SLC13A3: variants seen among roughly 807,000 people sequenced by gnomAD.
SLC13A3 encodes solute carrier family 13 member 3.
A neutral mutation model predicts 59.0 loss-of-function variants in SLC13A3; 40 were observed. That is an observed-to-expected ratio of 0.68 (90% CI 0.53 to 0.88). The LOEUF is 0.88. Among genes scored for constraint, SLC13A3 ranks in the 40% least tolerant of loss-of-function variants. SLC13A3 has a pLI of 0.00. For missense variants in SLC13A3, 699 were observed against 783.2 expected (o/e 0.89, Z 1.28); for synonymous variants, 317 against 330.3 (o/e 0.96, Z 0.44).
intron 1 of SLC13A3, among the ~76,000 whole-genome samples, chr20:46,650,747 C>T (rs1371732980): frequency 6.6e-6 from 1 of 152,046 alleles, no homozygotes. Flanking sequence ...CAATACAGCA[C>T]CAAGCACAGA....
chr20:46,572,519 A>G (rs2062038486), intron 10 of SLC13A3, among the ~76,000 whole-genome samples: 1 of 152,108 alleles, frequency 6.6e-6, no homozygotes, highest in Admixed American at 6.5e-5. Context: ...AAACCTCTGG[A>G]TCAGGGTCAT....
chr20:46,589,719 G>T (rs889759708), intron 6 of SLC13A3, among the ~76,000 whole-genome samples: 2 of 152,198 alleles, frequency 1.3e-5, no homozygotes, highest in Non-Finnish European at 2.9e-5. Flanking sequence ...GTTGATTTTT[G>T]ACAGGCGTAC....
intron 1 of SLC13A3, among the ~76,000 whole-genome samples, chr20:46,628,127 T>A (rs1023901511): frequency 6.6e-6 from 1 of 152,142 alleles, no homozygotes; most frequent in African/African-American, 2.4e-5. Context: ...GAGGCTTCCC[T>A]CGGATCTTCA....
chr20:46,558,042 A>G lies in SLC13A3; in HGVS notation c.*1980T>C, dbSNP rs2061899596. On this transcript the variant is annotated 3_prime_UTR_variant, in exon 13 of 13. Coordinates refer to ENST00000279027, the MANE Select transcript of SLC13A3 (RefSeq NM_022829.6). ...AAAAATAACATTTGTATTTTCATAAATTTATATTCTAGAGGGAGAAGAAGA... is the reference window on the plus strand; with the variant it reads ...AAAAATAACATTTGTATTTTCATAAGTTTATATTCTAGAGGGAGAAGAAGA... 6.6e-6 allele frequency: 1 copy of G among 152,202 alleles called. No individual in the cohort carries two copies. Among genetic ancestry groups the G allele is most frequent in the Admixed American group, 6.5e-5 (1 of 15,274 alleles). 9.4% of individuals were successfully genotyped at this position (152,202 alleles called of 1,614,324 possible).
chr20:46,638,502 G>A (rs529413774), intron 1 of SLC13A3, among the ~76,000 whole-genome samples: 80 of 152,308 alleles, frequency 5.3e-4, no homozygotes, highest in Non-Finnish European at 9.9e-4. Flanking sequence ...TGACTGCTGC[G>A]GACAGAGGGG....
rs1264400649 is a variant in SLC13A3 at position 46,575,628 on chromosome 20, G to A, written c.1277C>T (p.Pro426Leu). The change falls in exon 10 of 13, where the codon CCC (proline) becomes CTC (leucine). Residue 426 changes from proline to leucine, a missense_variant. By Grantham distance (98) the Pro-to-Leu change is moderately conservative. Coordinates refer to ENST00000279027, the MANE Select transcript of SLC13A3 (RefSeq NM_022829.6). ...LTWKKAQETVPWNIILLLGGG... is the reference protein window; with the variant it reads ...LTWKKAQETVLWNIILLLGGG... Reference sequence around the variant, plus strand: ...TCCCAGGAGAAGGATGATGTTCCAGGGCACTGTCTCCTGGGCCTTCTTCCA... The same window carrying A: ...TCCCAGGAGAAGGATGATGTTCCAGAGCACTGTCTCCTGGGCCTTCTTCCA... 4 of 1,606,952 alleles carry A rather than the reference G, an allele frequency of 2.5e-6. No homozygotes were observed. The highest frequency in any genetic ancestry group is 3.4e-6 in the Non-Finnish European group (4 of 1,176,678).
chr20:46,646,753 T>C (rs1019070808), intron 1 of SLC13A3, among the ~76,000 whole-genome samples: 3 of 152,204 alleles, frequency 2.0e-5, no homozygotes, highest in African/African-American at 7.2e-5. Context: ...TAAGAATTTA[T>C]AGTACAGGCA....
chr20:46,569,494 T>A (rs1179318986), intron 10 of SLC13A3, among the ~76,000 whole-genome samples: 1 of 152,148 alleles, frequency 6.6e-6, no homozygotes, highest in Non-Finnish European at 1.5e-5. Context: ...CCTAGGCAAG[T>A]CACTTAACCT....
intron 3 of SLC13A3, among the ~76,000 whole-genome samples, chr20:46,604,419 G>A (rs1279450469): frequency 1.3e-5 from 2 of 152,120 alleles, no homozygotes; most frequent in Non-Finnish European, 2.9e-5. Context: ...TTTGGTGAAG[G>A]CCATTGACAC....
Position 46,585,715 on chromosome 20 carries a change from T to C in SLC13A3, c.1122-2046A>G, listed in dbSNP as rs1265314960. 17 of 1,299,300 alleles carry C rather than the reference T, an allele frequency of 1.3e-5. No homozygotes were observed. The South Asian group carries it at 1.9e-4, about 14-fold the overall frequency. 80.5% of individuals were successfully genotyped at this position (1,299,300 alleles called of 1,614,324 possible). ...GCTGATCTTCACATTTTCTGTATTG[T>C]TGAAATGCTTATAATGCCCATTTTG... On this transcript the variant is annotated intron_variant, in intron 8 of 12. Transcript: ENST00000279027.
Position 46,558,359 on chromosome 20 carries a change from C to T in SLC13A3, c.*1663G>A, listed in dbSNP as rs1390076163. ...AGAGAGGTCAACTCTGTGGAATCCCCAGCCCAGGAATTTGGGGCTTTGAAG... is the reference window on the plus strand; with the variant it reads ...AGAGAGGTCAACTCTGTGGAATCCCTAGCCCAGGAATTTGGGGCTTTGAAG... On this transcript the variant is annotated 3_prime_UTR_variant, in exon 13 of 13. Coordinates refer to ENST00000279027, the MANE Select transcript of SLC13A3 (RefSeq NM_022829.6). 1 of 152,232 alleles carries T rather than the reference C, an allele frequency of 6.6e-6. No individual in the cohort carries two copies. Among genetic ancestry groups the T allele is most frequent in the Non-Finnish European group, 1.5e-5 (1 of 68,040 alleles). 9.4% of individuals were successfully genotyped at this position (152,232 alleles called of 1,614,324 possible).
At chr20:46,683,933 T>C (rs541695712) in intron 1 of SLC13A3, among the ~76,000 whole-genome samples, 20 of 152,300 alleles carry the variant, frequency 1.3e-4, no homozygotes, top group African/African-American at 3.4e-4. Context: ...TTGCCCTCTA[T>C]GGTTTTCTGC....
At chr20:46,638,172 C>T (rs1416616500) in intron 1 of SLC13A3, among the ~76,000 whole-genome samples, 3 of 152,170 alleles carry the variant, frequency 2.0e-5, no homozygotes, top group Non-Finnish European at 2.9e-5. Flanking sequence ...AGTGAGGAGC[C>T]CATACCTGCG....
intron 3 of SLC13A3, among the ~76,000 whole-genome samples, chr20:46,600,411 A>G (rs1406186532): frequency 1.4e-5 from 2 of 145,324 alleles, no homozygotes; most frequent in South Asian, 2.2e-4. Context: ...AGAAAGGAGG[A>G]AGGAAGGAAG....
At chr20:46,596,382 G>A (rs2062313518) in intron 4 of SLC13A3, 40 bp from the exon 5 acceptor site, 2 of 1,587,394 alleles carry the variant, frequency 1.3e-6, no homozygotes, top group Non-Finnish European at 1.7e-6. Flanking sequence ...AGAATACATG[G>A]AGAACAGGCC....
chr20:46,670,407 C>T (rs1188641975), upstream of SLC13A3, among the ~76,000 whole-genome samples: 6 of 152,206 alleles, frequency 3.9e-5, no homozygotes, highest in Non-Finnish European at 8.8e-5. Flanking sequence ...GGTATTCACA[C>T]CCTTGTGTAG....
rs1485895359 is a variant in SLC13A3, at chr20:46,610,524, C to T, written c.463G>A (p.Ala155Thr). The change falls in exon 3 of 13, where the codon GCC becomes ACC. Residue 155 changes from alanine to threonine, a missense_variant. Coordinates refer to ENST00000279027, the MANE Select transcript of SLC13A3 (RefSeq NM_022829.6). Reference sequence around the variant, plus strand: ...AAGAGACTTTTCAGGATGGCATTGGCAATGGGAAGCATCATGGCAGTGGAG... The same window carrying T: ...AAGAGACTTTTCAGGATGGCATTGGTAATGGGAAGCATCATGGCAGTGGAG... The part of the protein sequence containing the change: ...TASTAMMLPI[A>T]NAILKSLFGQ... The T allele has an allele frequency of 2.5e-6, 4 of 1,614,098 alleles. No individual in the cohort carries two copies. Among genetic ancestry groups the T allele is most frequent in the South Asian group, 2.2e-5 (2 of 91,062 alleles).
chr20:46,617,501 A>AT (rs1234001831), intron 1 of SLC13A3, among the ~76,000 whole-genome samples: 1 of 152,030 alleles, frequency 6.6e-6, no homozygotes, highest in Non-Finnish European at 1.5e-5. Context: ...TCAAACCCAA[A>AT]TCACCTTCCC....
chr20:46,660,067 C>T (rs1385002881), intron 1 of SLC13A3, among the ~76,000 whole-genome samples: 1 of 152,136 alleles, frequency 6.6e-6, no homozygotes, highest in Admixed American at 6.5e-5. Flanking sequence ...GTTTGAATTA[C>T]ACAACATATT....
Sources: gnomAD v4.1 joint callset for allele counts (sites outside exome capture counted in the v4.1 genomes callset) on GRCh38, gnomAD v4.1.1 for gene constraint, MANE v1.5 for transcripts, NCBI Gene and HGNC (gene_info 2026-07-23, HGNC 2026-07-21) for gene names.